The following GRAMD1B variants were observed in gnomAD, a reference collection of about 807,000 sequenced individuals.
GRAMD1B encodes GRAM domain containing 1B.
In GRAMD1B, 37 loss-of-function variants were observed where a neutral mutation model predicts 99.7. The ratio of observed to expected loss-of-function variants is 0.37; its 90% CI spans 0.29 to 0.49. The LOEUF is 0.49. GRAMD1B is among the 20% of genes least tolerant of loss of function. The pLI, the probability that GRAMD1B is intolerant of heterozygous loss-of-function variation, is 0.98. For synonymous variants in GRAMD1B, 427 were observed against 387.6 expected, an observed-to-expected ratio of 1.10 and a Z score of -1.19; for missense variants, 888 against 1,009.2, an observed-to-expected ratio of 0.88 and a Z score of 1.63.
At chr11:123,621,865 CTTTTCTTTCTTTCT>C (rs1210919181) in intron 19 of GRAMD1B, among the ~76,000 whole-genome samples, 1 of 78,288 alleles carries the variant, frequency 1.3e-5, no homozygotes, top group African/African-American at 4.6e-5. Flanking sequence ...GTCTTTCTTT[CTTTTCTTTCTTTCT>C]TTTTCTTTCT....
intron 2 of GRAMD1B, among the ~76,000 whole-genome samples, chr11:123,482,706 A>T (rs1014985420): frequency 6.6e-6 from 1 of 152,190 alleles, no homozygotes; most frequent in African/African-American, 2.4e-5. Flanking sequence ...TTGAAAGTGG[A>T]TGTGGATGCA....
chr11:123,381,131 C>T (rs1024263660), intron 1 of GRAMD1B, among the ~76,000 whole-genome samples: 9 of 152,132 alleles, frequency 5.9e-5, no homozygotes, highest in African/African-American at 9.7e-5. Context: ...CTCACTCCTC[C>T]GCCAACTCCC....
chr11:123,366,268 G>C (rs544702621), intron 1 of GRAMD1B, among the ~76,000 whole-genome samples: 20 of 152,336 alleles, frequency 1.3e-4, no homozygotes, highest in African/African-American at 4.8e-4. Context: ...ATATATTTTG[G>C]CTTGTCGAAA....
intron 1 of GRAMD1B, among the ~76,000 whole-genome samples, chr11:123,366,229 T>A (rs938760086): frequency 6.6e-6 from 1 of 152,224 alleles, no homozygotes; most frequent in African/African-American, 2.4e-5. Flanking sequence ...ATGGCTTTAT[T>A]TAGCAGTTAG....
chr11:123,459,061 T>A (rs995100266), intron 1 of GRAMD1B: 1 of 152,104 alleles, frequency 6.6e-6, no homozygotes, highest in African/African-American at 2.4e-5. Flanking sequence ...TTTGGAAAAG[T>A]GTTTCTAGGA....
rs762751523 is a variant in GRAMD1B at position 123,589,614 on chromosome 11, T to TTTTATATATATATATATATATA, written c.685-4467_685-4466insTTATATATATATATATATATAT. ...ACCTGCCACCATGTGTGGCTAATTT[T>TTTTATATATATATATATATATA]TATATATATATATATATATATATTT... On this transcript the variant is annotated intron_variant, in intron 4 of 19. Coordinates refer to ENST00000635736, the MANE Select transcript of GRAMD1B (RefSeq NM_001387025.1). Among the ~76,000 whole-genome samples the TTTTATATATATATATATATATA allele has an allele frequency of 8.8e-4, 113 of 128,212 alleles. 1 individual carries two copies. Among genetic ancestry groups the TTTTATATATATATATATATATA allele is most frequent in the African/African-American group, 3.5e-3 (101 of 28,486 alleles). The allele number at this position is 128,212 out of a possible 152,430, so 84.1% of individuals were successfully genotyped here. A position where few individuals can be genotyped will look rare whatever the true frequency, so the allele number is the denominator to read the frequency against.
intron 1 of GRAMD1B, among the ~76,000 whole-genome samples, chr11:123,392,307 C>T (rs1472620001): frequency 6.6e-6 from 1 of 151,664 alleles, no homozygotes; most frequent in African/African-American, 2.4e-5. Flanking sequence ...ATTTCTCCTG[C>T]CACTCCTACT....
chr11:123,487,873 C>A (rs1050718648), intron 2 of GRAMD1B, among the ~76,000 whole-genome samples: 4 of 152,208 alleles, frequency 2.6e-5, no homozygotes, highest in Non-Finnish European at 4.4e-5. Context: ...TCCCCAAGTT[C>A]TGGGATTACA....
intron 2 of GRAMD1B, among the ~76,000 whole-genome samples, chr11:123,507,649 G>T (rs1940571997): frequency 6.6e-6 from 1 of 152,162 alleles, no homozygotes; most frequent in South Asian, 2.1e-4. Context: ...TTATCTAAAA[G>T]CAATTTTCAC....
In GRAMD1B at chr11:123,368,661, C is replaced by G. The variant is rs1946408772; in HGVS notation, c.-176+9862C>G. ...CATCACTGTACTCCAGCCTGGGTGACACAGCGAGACTCTGTCTCAAAAAAA... is the reference window on the plus strand; with the variant it reads ...CATCACTGTACTCCAGCCTGGGTGAGACAGCGAGACTCTGTCTCAAAAAAA... On this transcript the variant is annotated intron_variant, in intron 1 of 20. Transcript: ENST00000638157. Among the ~76,000 whole-genome samples the G allele has an allele frequency of 3.7e-5, 4 of 106,768 alleles. No homozygotes were observed. In the Admixed American group the frequency reaches 4.6e-4, roughly 12 times the overall value. 70.0% of individuals were successfully genotyped at this position (106,768 alleles called of 152,430 possible). A position where few individuals can be genotyped will look rare whatever the true frequency, so the allele number is the denominator to read the frequency against.
intron 1 of GRAMD1B, among the ~76,000 whole-genome samples, chr11:123,395,519 C>G (rs890447591): frequency 2.0e-5 from 3 of 152,148 alleles, no homozygotes; most frequent in Admixed American, 2.0e-4. Context: ...GCCTGTTTAC[C>G]TTCCTCACCA....
At chr11:123,406,153 G>A (rs1281655197) in intron 1 of GRAMD1B, among the ~76,000 whole-genome samples, 1 of 151,444 alleles carries the variant, frequency 6.6e-6, no homozygotes, top group East Asian at 1.9e-4. Context: ...GAGTAGAGAC[G>A]GGTTTTCACT....
intron 6 of GRAMD1B, among the ~76,000 whole-genome samples, chr11:123,595,732 G>A (rs1041584033): frequency 3.9e-5 from 6 of 152,176 alleles, no homozygotes; most frequent in Non-Finnish European, 8.8e-5. Flanking sequence ...AGATACTCAT[G>A]GCTGTAGACA....
chr11:123,603,867 A>G (rs550818311), intron 9 of GRAMD1B, among the ~76,000 whole-genome samples: 2 of 152,364 alleles, frequency 1.3e-5, no homozygotes, highest in East Asian at 1.9e-4. Flanking sequence ...AGAGGCAGGG[A>G]AACCCGTGAA....
intron 2 of GRAMD1B, among the ~76,000 whole-genome samples, chr11:123,518,710 A>C (rs1288259477): frequency 2.0e-5 from 3 of 152,162 alleles, no homozygotes; most frequent in Non-Finnish European, 4.4e-5. Flanking sequence ...TGTAAGAATC[A>C]CTGGGCATGA....
At chr11:123,484,615 A>C (rs1951785141) in intron 2 of GRAMD1B, among the ~76,000 whole-genome samples, 1 of 152,154 alleles carries the variant, frequency 6.6e-6, no homozygotes. Context: ...TATGAGGAAC[A>C]GAGAGAATGT....
At chr11:123,533,762 A>AT (rs1273581246) in intron 2 of GRAMD1B, among the ~76,000 whole-genome samples, 2 of 152,132 alleles carry the variant, frequency 1.3e-5, no homozygotes, top group African/African-American at 4.8e-5. Context: ...ACTCATAGCA[A>AT]TTTTTTTAAA....
intron 1 of GRAMD1B, among the ~76,000 whole-genome samples, chr11:123,407,802 G>A (rs1189816512): frequency 6.6e-6 from 1 of 152,184 alleles, no homozygotes; most frequent in East Asian, 1.9e-4. Context: ...TGCTGCTTGT[G>A]TACTGCCTGT....
At chr11:123,386,894 C>G (rs1036538039) in intron 1 of GRAMD1B, among the ~76,000 whole-genome samples, 24 of 152,326 alleles carry the variant, frequency 1.6e-4, no homozygotes, top group African/African-American at 5.3e-4. Context: ...ATTCTTCACT[C>G]TTGCTGGGCT....
Sources: gnomAD v4.1 joint callset for allele counts (sites outside exome capture counted in the v4.1 genomes callset) on GRCh38, gnomAD v4.1.1 for gene constraint, MANE v1.5 for transcripts, NCBI Gene and HGNC (gene_info 2026-07-23, HGNC 2026-07-21) for gene names.